Variants in SYNE3 observed in about 807,000 individuals in gnomAD.
SYNE3 encodes nesprin-3.
Under a neutral mutation model 111.2 loss-of-function variants are expected in SYNE3, and 100 were observed. That is an observed-to-expected ratio of 0.90 (90% CI 0.77 to 1.06). The LOEUF is 1.06. Among genes scored for constraint, SYNE3 ranks in the 50% least tolerant of loss-of-function variants. SYNE3 has a pLI of 0.00. For synonymous variants in SYNE3, 547 were observed against 533.9 expected, an observed-to-expected ratio of 1.02 and a Z score of -0.34; for missense variants, 1,160 against 1,240.3, an observed-to-expected ratio of 0.94 and a Z score of 0.97.
chr14:95,459,369 T>C (rs1055231466), intron 4 of SYNE3, among the ~76,000 whole-genome samples: 1 of 152,114 alleles, frequency 6.6e-6, no homozygotes, highest in African/African-American at 2.4e-5. Flanking sequence ...AAGACGAGCC[T>C]AGGCAACACG....
rs1222640224 is a variant in SYNE3 at position 95,415,474 on chromosome 14, T to C, written c.*2352A>G. On this transcript the variant is annotated 3_prime_UTR_variant, in exon 18 of 18. Transcript: ENST00000682763. ...TGAAATCACAAATTTCTCTAGATAT[T>C]TGGAAACCAAGTCACAGGGTTGTAG... is the stretch of plus-strand genomic sequence containing the variant. 3 of 152,180 alleles carry C rather than the reference T, an allele frequency of 2.0e-5. No homozygotes were observed. The highest frequency in any genetic ancestry group is 4.4e-5 in the Non-Finnish European group (3 of 68,036). The allele number at this position is 152,180 out of a possible 1,614,324, so 9.4% of individuals were successfully genotyped here. A position where few individuals can be genotyped will look rare whatever the true frequency, so the allele number is the denominator to read the frequency against.
At chr14:95,422,447 C>G (rs1885179121) in intron 17 of SYNE3, among the ~76,000 whole-genome samples, 1 of 152,204 alleles carries the variant, frequency 6.6e-6, no homozygotes, top group East Asian at 1.9e-4. Flanking sequence ...AGTGTCACTC[C>G]AGAGCCCAGG....
At chr14:95,454,040 T>C (rs566972557) in intron 6 of SYNE3, among the ~76,000 whole-genome samples, 1 of 152,358 alleles carries the variant, frequency 6.6e-6, no homozygotes, top group African/African-American at 2.4e-5. Context: ...AGACGCTGGA[T>C]AAGCTACAAA....
chr14:95,477,982 C>A (rs147771515), intron 1 of SYNE3, among the ~76,000 whole-genome samples: 2 of 152,116 alleles, frequency 1.3e-5, no homozygotes, highest in Non-Finnish European at 2.9e-5. Flanking sequence ...AGTGGGGAAG[C>A]GTGGCTCTAA....
chr14:95,444,779 T>A, intron 9 of SYNE3, 151 bp from the exon 10 acceptor site: 1 of 985,038 alleles, frequency 1.0e-6, no homozygotes, highest in Non-Finnish European at 1.4e-6. Flanking sequence ...CCCTGAGCCC[T>A]GATGGAGTTG....
At chr14:95,446,260 G>A (rs925100955) in intron 8 of SYNE3, among the ~76,000 whole-genome samples, 169 bp from the exon 9 acceptor site, 4 of 152,200 alleles carry the variant, frequency 2.6e-5, no homozygotes, top group African/African-American at 4.8e-5. Flanking sequence ...GCAGGAATGC[G>A]CTGGCAAGGC....
intron 1 of SYNE3, among the ~76,000 whole-genome samples, chr14:95,502,556 C>T (rs551363821): frequency 3.9e-5 from 6 of 152,114 alleles, no homozygotes; most frequent in African/African-American, 4.8e-5. Context: ...GGCTTCCTCC[C>T]GGGCCTGTCT....
rs144257709 is a variant in SYNE3 at position 95,444,546 on chromosome 14, T to C, written c.1715A>G (p.Gln572Arg). The part of the protein sequence containing the change: ...RKLLDLQVRV[Q>R]AEKGLQRDLP... Reference sequence around the variant, plus strand: ...GTCCCGCTGAAGCCCCTTCTCGGCTTGGACCCTGACCTGGAGGTCCAAGAG... The same window carrying C: ...GTCCCGCTGAAGCCCCTTCTCGGCTCGGACCCTGACCTGGAGGTCCAAGAG... The change falls in exon 10 of 18, where the codon CAA becomes CGA. Residue 572 changes from glutamine (Q) to arginine (R), a missense_variant. Physicochemically the swap from Gln to Arg is conservative, Grantham distance 43 (BLOSUM62 1). Transcript: ENST00000682763. 1.9e-6 allele frequency: 3 copies of C among 1,613,840 alleles called. No individual in the cohort carries two copies. The highest frequency in any genetic ancestry group is 2.5e-6 in the Non-Finnish European group (3 of 1,179,790).
intron 1 of SYNE3, among the ~76,000 whole-genome samples, chr14:95,499,529 T>C (rs920715162): frequency 2.6e-5 from 4 of 152,126 alleles, no homozygotes; most frequent in Non-Finnish European, 4.4e-5. Context: ...CCAGAAAGCC[T>C]TCCAGGATTT....
At chr14:95,488,330 G>T (rs935463406) in intron 1 of SYNE3, among the ~76,000 whole-genome samples, 9 of 152,126 alleles carry the variant, frequency 5.9e-5, no homozygotes, top group African/African-American at 2.2e-4. Flanking sequence ...CCATGTCGTT[G>T]CCTGTATCAG....
In SYNE3 at chr14:95,467,880, C is replaced by A; in HGVS notation, c.232G>T (p.Asp78Tyr). ...AEALLACCPG[D>Y]QKPGILARLK... ...CGGGCCAGGATCCCGGGCTTCTGGT[C>A]CCCAGGGCAGCATGCCAAGAGGGCT... is the stretch of plus-strand genomic sequence containing the variant. The change falls in exon 3 of 18, where the codon GAC becomes TAC. Residue 78 changes from aspartate to tyrosine, a missense_variant. Asp to Tyr is a radical substitution (Grantham distance 160, BLOSUM62 -3). Transcript: ENST00000682763. 1 of 1,614,220 alleles carries A rather than the reference C, an allele frequency of 6.2e-7. No homozygotes were observed. Among genetic ancestry groups the A allele is most frequent in the Non-Finnish European group, 8.5e-7 (1 of 1,180,046 alleles).
chr14:95,476,793 T>C (rs1333082987), intron 1 of SYNE3, among the ~76,000 whole-genome samples: 1 of 152,254 alleles, frequency 6.6e-6, no homozygotes, highest in Non-Finnish European at 1.5e-5. Context: ...GCCAATGTTG[T>C]TAAATGAGCC....
intron 17 of SYNE3, among the ~76,000 whole-genome samples, chr14:95,426,863 G>A (rs1476987946): frequency 7.1e-6 from 1 of 141,418 alleles, no homozygotes; most frequent in Non-Finnish European, 1.5e-5. Flanking sequence ...AGAATGGCGT[G>A]AACCCAGGAG....
rs1417472867 is a variant in SYNE3, at chr14:95,485,689, G to T, written c.-14-9854C>A. 6.6e-6 allele frequency among the ~76,000 whole-genome samples: 1 copy of T among 152,008 alleles called. No homozygotes were observed. Among genetic ancestry groups the T allele is most frequent in the Non-Finnish European group, 1.5e-5 (1 of 67,988 alleles). On this transcript the variant is annotated intron_variant, in intron 1 of 17. Coordinates refer to ENST00000682763, the MANE Select transcript of SYNE3 (RefSeq NM_152592.6). The surrounding 1 kb of genome is among the most constrained non-coding windows in gnomAD (Gnocchi z 4.3). ...CTCTAGGATACCCAGCATCCCCACA[G>T]GCTCAGCTCAGATGGCTCCTCTTCC...
At chr14:95,434,374 T>C (rs994083095) in intron 15 of SYNE3, among the ~76,000 whole-genome samples, 1 of 152,170 alleles carries the variant, frequency 6.6e-6, no homozygotes, top group African/African-American at 2.4e-5. Context: ...TTTGGCAGCC[T>C]CACTGGGCTG....
chr14:95,449,699 G>A, intron 8 of SYNE3: 4 of 983,626 alleles, frequency 4.1e-6, no homozygotes, highest in Non-Finnish European at 4.8e-6. Context: ...CGGGTGGGGA[G>A]CGTCCGTACG....
At chr14:95,475,560 T>G in intron 2 of SYNE3, 118 bp downstream of exon 2, 3 of 1,189,092 alleles carry the variant, frequency 2.5e-6, no homozygotes, top group East Asian at 3.0e-5. Context: ...CACATCAGAG[T>G]TTGAGAAACA....
chr14:95,467,796 T>C lies in SYNE3; in HGVS notation c.316A>G (p.Ser106Gly). 6.2e-7 allele frequency: 1 copy of C among 1,614,122 alleles called. No individual in the cohort carries two copies. The highest frequency in any genetic ancestry group is 8.5e-7 in the Non-Finnish European group (1 of 1,180,008). The change falls in exon 3 of 18, where the codon AGC (serine) becomes GGC (glycine). Residue 106 changes from serine (S) to glycine (G), a missense_variant and splice_region_variant. Transcript: ENST00000682763. ...GGACAAAGGCCCTGGATGCCCTACC[T>C]GTGACAGTGAGTCATGTAGGTGACT... ...ETVTYMTHCH[S>G]RIEWVWLHWS... is the part of the protein sequence containing the mutation.
At chr14:95,439,468 C>G in intron 13 of SYNE3, 144 bp downstream of exon 13, 1 of 1,112,854 alleles carries the variant, frequency 9.0e-7, no homozygotes, top group East Asian at 2.4e-5. Flanking sequence ...GAATAGCCAA[C>G]TGGGCCAAAG....
Sources: allele counts gnomAD v4.1 joint callset (sites outside exome capture counted in the v4.1 genomes callset), GRCh38; gene constraint gnomAD v4.1.1; non-coding constraint Gnocchi (gnomAD v3.1); transcripts MANE v1.5; gene names NCBI Gene and HGNC (gene_info 2026-07-23, HGNC 2026-07-21).